The following MEGF11 variants were observed in gnomAD, a reference collection of about 807,000 sequenced individuals.
MEGF11 encodes multiple EGF like domains 11, also known as multiple epidermal growth factor-like domains protein 11.
In MEGF11, 126 loss-of-function variants were observed where a neutral mutation model predicts 146.6. That is an observed-to-expected ratio of 0.86 (90% confidence interval 0.74 to 1.00). The LOEUF (loss-of-function observed/expected upper bound fraction) is 1.00, where lower values mean the gene tolerates loss of function less well. Among genes scored for constraint, MEGF11 ranks in the 50% least tolerant of loss-of-function variants. The probability of loss-of-function intolerance (pLI) is 0.00; values close to 1 mark genes in which losing one functional copy is unlikely to be tolerated. For synonymous variants in MEGF11, 532 were observed against 583.4 expected (o/e 0.91, Z 1.27); for missense variants, 1,509 against 1,521.2 (o/e 0.99, Z 0.13).
intron 1 of MEGF11, among the ~76,000 whole-genome samples, chr15:66,232,193 T>G (rs1230915258): frequency 6.6e-6 from 1 of 152,160 alleles, no homozygotes; most frequent in Admixed American, 6.5e-5. Context: ...GAGTCAAAGG[T>G]GGCCCTGGGG....
At chr15:66,048,118 G>C (rs1452890712) in intron 5 of MEGF11, among the ~76,000 whole-genome samples, 1 of 152,154 alleles carries the variant, frequency 6.6e-6, no homozygotes, top group African/African-American at 2.4e-5. Context: ...GCTAATTTTT[G>C]TATTTTTAGT....
intron 1 of MEGF11, among the ~76,000 whole-genome samples, chr15:66,141,995 A>G (rs1188587425): frequency 1.3e-5 from 2 of 152,128 alleles, no homozygotes; most frequent in Non-Finnish European, 2.9e-5. Context: ...ATAACTGGCA[A>G]GAGATCTGAA....
At chr15:66,084,954 G>A (rs561215559) in intron 5 of MEGF11, among the ~76,000 whole-genome samples, 93 of 152,298 alleles carry the variant, frequency 6.1e-4, no homozygotes, top group Middle Eastern at 3.4e-3. Flanking sequence ...GGGCTGTTGC[G>A]CGAAGGTGGC....
intron 3 of MEGF11, among the ~76,000 whole-genome samples, chr15:66,122,261 CA>C (rs35684952): frequency 7.2e-4 from 102 of 141,538 alleles, no homozygotes; most frequent in East Asian, 2.4e-3. Flanking sequence ...GCGATTCTGT[CA>C]AAAAAAAAAA....
chr15:65,986,308 A>G (rs1453471274), intron 5 of MEGF11, among the ~76,000 whole-genome samples: 4 of 152,198 alleles, frequency 2.6e-5, no homozygotes, highest in African/African-American at 4.8e-5. Context: ...GTAAGAAACT[A>G]TGGAAATAGG....
At position 65,982,696 on chromosome 15, in the gene MEGF11, G is replaced by A. The variant is rs893414966; in HGVS notation, c.395-208C>T. Among the ~76,000 whole-genome samples the A allele has an allele frequency of 3.3e-5, 5 of 152,156 alleles. No individual in the cohort carries two copies. Among genetic ancestry groups the A allele is most frequent in the African/African-American group, 1.2e-4 (5 of 41,430 alleles). ...GCAAATAGTCGCACAGGCTAAGAAGGGCAGAGCGTTTGTTTCCTCAAGGCA... is the reference window on the plus strand; with the variant it reads ...GCAAATAGTCGCACAGGCTAAGAAGAGCAGAGCGTTTGTTTCCTCAAGGCA... On this transcript the variant is annotated intron_variant, in intron 5 of 25. Transcript: ENST00000395614. This position sits in a 1 kb window ranked among gnomAD's most constrained non-coding sequence, Gnocchi z 5.6.
intron 1 of MEGF11, among the ~76,000 whole-genome samples, chr15:66,231,721 C>T (rs1303282655): frequency 6.6e-6 from 1 of 152,208 alleles, no homozygotes; most frequent in Non-Finnish European, 1.5e-5. Flanking sequence ...TATAGTGATG[C>T]TTAATCACTA....
intron 5 of MEGF11, among the ~76,000 whole-genome samples, chr15:65,994,349 G>T (rs568049418): frequency 6.6e-6 from 1 of 152,152 alleles, no homozygotes; most frequent in Non-Finnish European, 1.5e-5. Flanking sequence ...TGGTACTGTG[G>T]GCCACACCCC....
chr15:65,971,978 G>T (rs1034248515), intron 7 of MEGF11, among the ~76,000 whole-genome samples: 11 of 152,112 alleles, frequency 7.2e-5, no homozygotes, highest in Non-Finnish European at 1.6e-4. Context: ...TGAAAGAACA[G>T]AGTGCTATAA....
intron 1 of MEGF11, among the ~76,000 whole-genome samples, chr15:66,208,126 A>G (rs1258831511): frequency 6.6e-6 from 1 of 152,092 alleles, no homozygotes; most frequent in Admixed American, 6.6e-5. Flanking sequence ...GACTGGAACT[A>G]TATAGGAACA....
At chr15:66,047,686 G>A (rs2084267853) in intron 5 of MEGF11, among the ~76,000 whole-genome samples, 1 of 152,188 alleles carries the variant, frequency 6.6e-6, no homozygotes, top group Non-Finnish European at 1.5e-5. Flanking sequence ...GAAGCTGCTT[G>A]AAAAGGTGAG....
rs540307801 is a variant in MEGF11, at chr15:65,919,478, G to A, written c.1958-1384C>T. On this transcript the variant is annotated intron_variant, in intron 15 of 25. Transcript: ENST00000395614. ...TACATTATACTGTAGTCTATTAAGT[G>A]TGCAATAGCCTTATGTCTAAAAAAC... Among the ~76,000 whole-genome samples, 18 of 152,252 alleles carry A rather than the reference G, an allele frequency of 1.2e-4. No homozygotes were observed. In the South Asian group the frequency reaches 3.3e-3, roughly 28 times the overall value.
intron 1 of MEGF11, among the ~76,000 whole-genome samples, chr15:66,215,082 C>G (rs1279523280): frequency 6.6e-6 from 1 of 152,084 alleles, no homozygotes; most frequent in Non-Finnish European, 1.5e-5. Flanking sequence ...TCTAACGCCT[C>G]CTCCCACACA....
intron 1 of MEGF11, among the ~76,000 whole-genome samples, chr15:66,132,585 A>C (rs892327205): frequency 1.3e-5 from 2 of 152,080 alleles, no homozygotes; most frequent in African/African-American, 4.8e-5. Context: ...GGAAGTTCCC[A>C]CTCCCACAAC....
At chr15:66,231,514 G>T (rs1313972704) in intron 1 of MEGF11, among the ~76,000 whole-genome samples, 1 of 152,096 alleles carries the variant, frequency 6.6e-6, no homozygotes, top group African/African-American at 2.4e-5. Flanking sequence ...TCATTCTGAA[G>T]AAGGGAGAGG....
At position 65,930,931 on chromosome 15, in the gene MEGF11, C is replaced by A; in HGVS notation, c.1300G>T (p.Ala434Ser). ...TAGGTCCCTGCTGCACAGGAAACGG[C>A]ACAGACCTCTCCCTGGAAAGGGAGG... is the stretch of plus-strand genomic sequence containing the variant. ...CAPGFMGEVCAVSCAAGTYGP... is the reference protein window; with the variant it reads ...CAPGFMGEVCSVSCAAGTYGP... The change falls in exon 11 of 26, where the codon GCC becomes TCC. Residue 434 changes from alanine to serine, a missense_variant. Physicochemically the swap from Ala to Ser is moderately conservative, Grantham distance 99. Transcript: ENST00000395614. 2 of 1,595,488 alleles carry A rather than the reference C, an allele frequency of 1.3e-6. No homozygotes were observed. Among genetic ancestry groups the A allele is most frequent in the Non-Finnish European group, 1.7e-6 (2 of 1,167,878 alleles).
Position 65,919,694 on chromosome 15 carries a change from A to G in MEGF11, c.1958-1600T>C, listed in dbSNP as rs186421858. Among the ~76,000 whole-genome samples, 362 of 152,304 alleles carry G rather than the reference A, an allele frequency of 2.4e-3. 1 individual carries two copies. Among genetic ancestry groups the G allele is most frequent in the African/African-American group, 8.4e-3 (350 of 41,570 alleles). ...TGCCCAGGCCGGAGTGCAGTGGTGCAATCTCGGCTTACTGCAACCTTTTCC... is the reference window on the plus strand; with the variant it reads ...TGCCCAGGCCGGAGTGCAGTGGTGCGATCTCGGCTTACTGCAACCTTTTCC... On this transcript the variant is annotated intron_variant, in intron 15 of 25. Coordinates refer to ENST00000395614, the MANE Select transcript of MEGF11 (RefSeq NM_001385028.1).
intron 1 of MEGF11, among the ~76,000 whole-genome samples, chr15:66,214,656 CCT>C (rs972855607): frequency 1.3e-5 from 2 of 152,180 alleles, no homozygotes; most frequent in Non-Finnish European, 2.9e-5. Context: ...AGAGACACCT[CCT>C]CTCTCCTGGG....
At chr15:66,184,990 C>T (rs2058578752) in intron 1 of MEGF11, among the ~76,000 whole-genome samples, 1 of 152,150 alleles carries the variant, frequency 6.6e-6, no homozygotes, top group African/African-American at 2.4e-5. Context: ...CAGCCCCCTA[C>T]ACAAGTGTTT....
Sources: gnomAD v4.1 joint callset for allele counts (sites outside exome capture counted in the v4.1 genomes callset) on GRCh38, gnomAD v4.1.1 for gene constraint, Gnocchi (gnomAD v3.1) non-coding constraint, MANE v1.5 for transcripts, NCBI Gene and HGNC (gene_info 2026-07-23, HGNC 2026-07-21) for gene names.